Variants in NDUFAF6 observed in about 807,000 individuals in gnomAD.
NDUFAF6 encodes the protein NADH:ubiquinone oxidoreductase complex assembly factor 6, also known as NADH dehydrogenase (ubiquinone) complex I, assembly factor 6.
In NDUFAF6, 45 loss-of-function variants were observed where a neutral mutation model predicts 40.8. The ratio of observed to expected loss-of-function variants is 1.10; its 90% CI spans 0.87 to 1.42. The LOEUF (loss-of-function observed/expected upper bound fraction) is 1.42. Ranked by LOEUF, NDUFAF6 falls within the 40% of genes most tolerant of loss-of-function variation. The pLI is 0.00. For synonymous variants in NDUFAF6, 185 were observed against 155.9 expected (o/e 1.19, Z -1.39); for missense variants, 435 against 418.5 (o/e 1.04, Z -0.34).
intron 2 of NDUFAF6, among the ~76,000 whole-genome samples, chr8:95,011,533 T>C (rs1056587077): frequency 1.3e-5 from 2 of 152,138 alleles, no homozygotes; most frequent in Non-Finnish European, 2.9e-5. Flanking sequence ...AGAGTGACAT[T>C]TGGGAGCTGA....
chr8:95,035,339 A>G, intron 2 of NDUFAF6, 115 bp from the exon 3 acceptor site: 2 of 1,053,680 alleles, frequency 1.9e-6, no homozygotes, highest in South Asian at 1.4e-5. Context: ...TCATGTATTT[A>G]TCACCATAGT....
intron 1 of NDUFAF6, among the ~76,000 whole-genome samples, chr8:95,026,076 A>G (rs983764223): frequency 6.6e-6 from 1 of 152,200 alleles, no homozygotes; most frequent in Non-Finnish European, 1.5e-5. Context: ...GAAGTTGATC[A>G]TGCAAGTAAA....
chr8:94,909,389 G>A (rs1818610342), intron 1 of NDUFAF6, among the ~76,000 whole-genome samples: 2 of 64,600 alleles, frequency 3.1e-5, no homozygotes, highest in Admixed American at 3.4e-4. Context: ...AAAACACTTC[G>A]GGAGGCCAAG....
At chr8:94,935,678 G>A (rs2131341534) in intron 1 of NDUFAF6, among the ~76,000 whole-genome samples, 1 of 152,328 alleles carries the variant, frequency 6.6e-6, no homozygotes, top group Admixed American at 6.5e-5. Flanking sequence ...TGGTATGGGA[G>A]CTCCATGTAC....
chr8:95,025,184 A>G lies in NDUFAF6; in HGVS notation c.176A>G (p.His59Arg). Residue 59 changes from histidine to arginine, a missense_variant, in exon 1 of 9, where the codon CAC becomes CGC. Physicochemically the swap from His to Arg is conservative, Grantham distance 29. Coordinates refer to ENST00000396124, the MANE Select transcript of NDUFAF6 (RefSeq NM_152416.4). ...ASGPGAWGTDHYCLELLRKRD... is the reference protein window; with the variant it reads ...ASGPGAWGTDRYCLELLRKRD... ...GGACCGGGCGCCTGGGGCACTGACC[A>G]CTACTGCCTGGAGCTGCTGCGGTGA... 1 of 1,467,756 alleles carries G rather than the reference A, an allele frequency of 6.8e-7. No homozygotes were observed. Among genetic ancestry groups the G allele is most frequent in the South Asian group, 1.3e-5 (1 of 74,652 alleles). The allele number at this position is 1,467,756 out of a possible 1,614,324, so 90.9% of individuals were successfully genotyped here.
intron 1 of NDUFAF6, among the ~76,000 whole-genome samples, chr8:94,919,046 C>T (rs1281392019): frequency 2.0e-5 from 3 of 152,218 alleles, no homozygotes; most frequent in South Asian, 2.1e-4. Flanking sequence ...GCAAATTCCT[C>T]ACTTCTTTTA....
intron 1 of NDUFAF6, among the ~76,000 whole-genome samples, chr8:94,965,259 C>T (rs76739036): frequency 6.6e-6 from 1 of 151,948 alleles, no homozygotes; most frequent in South Asian, 2.1e-4. Context: ...ATTAAAGGAC[C>T]GGGGCAGTAT....
chr8:95,015,893 TTA>T (rs1308835059), intron 2 of NDUFAF6, among the ~76,000 whole-genome samples: 1 of 152,116 alleles, frequency 6.6e-6, no homozygotes, highest in Non-Finnish European at 1.5e-5. Flanking sequence ...TAAATAGAAA[TTA>T]GCCAGATCAA....
intron 2 of NDUFAF6, among the ~76,000 whole-genome samples, chr8:95,089,553 G>C (rs1402378794): frequency 6.6e-6 from 1 of 152,064 alleles, no homozygotes; most frequent in African/African-American, 2.4e-5. Flanking sequence ...CAACCTCAGA[G>C]TTTTACAGAG....
intron 2 of NDUFAF6, among the ~76,000 whole-genome samples, chr8:94,994,379 C>A (rs1415705054): frequency 1.3e-5 from 2 of 151,730 alleles, no homozygotes; most frequent in Non-Finnish European, 2.9e-5. Flanking sequence ...GGTGAAACCC[C>A]ATCTCTACTA....
chr8:95,103,732 C>T (rs543157078), downstream of NDUFAF6, among the ~76,000 whole-genome samples: 7 of 152,208 alleles, frequency 4.6e-5, no homozygotes, highest in South Asian at 4.2e-4. Flanking sequence ...TGAGCCAGTC[C>T]GGGCATGCAT....
At chr8:94,913,287 C>G (rs1261554786) in intron 1 of NDUFAF6, among the ~76,000 whole-genome samples, 1 of 152,102 alleles carries the variant, frequency 6.6e-6, no homozygotes, top group Non-Finnish European at 1.5e-5. Flanking sequence ...CTCGTTGCCC[C>G]CCATGTCATA....
chr8:94,946,879 A>T (rs2131397005), intron 2 of NDUFAF6, among the ~76,000 whole-genome samples: 1 of 152,144 alleles, frequency 6.6e-6, no homozygotes, highest in South Asian at 2.1e-4. Context: ...TTAAGTGTAT[A>T]CTACTTAGAA....
intron 2 of NDUFAF6, chr8:94,988,900 A>G (rs1203151638): frequency 6.6e-6 from 1 of 152,272 alleles, no homozygotes; most frequent in Non-Finnish European, 1.5e-5. Flanking sequence ...TGTGCGTTAA[A>G]GACATTATGC....
chr8:94,949,211 G>A (rs1473341343), intron 2 of NDUFAF6: 3 of 150,714 alleles, frequency 2.0e-5, no homozygotes, highest in Non-Finnish European at 4.4e-5. Context: ...GCTCGGCGGG[G>A]AAGGACGCGG....
At chr8:94,996,364 G>A (rs546512187) in intron 2 of NDUFAF6, among the ~76,000 whole-genome samples, 5 of 152,114 alleles carry the variant, frequency 3.3e-5, no homozygotes, top group Middle Eastern at 3.4e-3. Context: ...AATTAATCAC[G>A]TCCTCCATAA....
downstream of NDUFAF6, among the ~76,000 whole-genome samples, chr8:95,077,511 C>T (rs1478301747): frequency 6.6e-6 from 1 of 152,184 alleles, no homozygotes; most frequent in Non-Finnish European, 1.5e-5. Context: ...ATTCATGTCC[C>T]AGGTAGGACA....
chr8:94,942,038 CTT>C (rs547276041), intron 1 of NDUFAF6, among the ~76,000 whole-genome samples: 2 of 144,434 alleles, frequency 1.4e-5, no homozygotes, highest in Admixed American at 1.4e-4. Flanking sequence ...ACCCTTCACG[CTT>C]TTTTTTTTTT....
At chr8:94,953,454 G>T (rs1003940336), upstream of NDUFAF6, among the ~76,000 whole-genome samples, 8 of 152,138 alleles carry the variant, frequency 5.3e-5, no homozygotes, top group African/African-American at 1.9e-4. Flanking sequence ...CACCACCCTA[G>T]CTCCAAGGAG....
Sources: allele counts gnomAD v4.1 joint callset (sites outside exome capture counted in the v4.1 genomes callset), GRCh38; gene constraint gnomAD v4.1.1; transcripts MANE v1.5; gene names NCBI Gene and HGNC (gene_info 2026-07-23, HGNC 2026-07-21).